The following DCAF1 variants were observed in gnomAD, a reference collection of about 807,000 sequenced individuals.
The protein encoded by DCAF1 is DDB1 and CUL4 associated factor 1, also known as DDB1- and CUL4-associated factor 1.
A neutral mutation model predicts 128.0 loss-of-function variants in DCAF1; 15 were observed. The observed-to-expected ratio is 0.12, with a 90% CI of 0.08 to 0.18. The LOEUF (loss-of-function observed/expected upper bound fraction) is 0.18, where lower values mean the gene tolerates loss of function less well. Ranked by LOEUF, DCAF1 falls within the 10% of genes least tolerant of loss-of-function variation. The probability of loss-of-function intolerance (pLI) is 1.00; values close to 1 mark genes in which losing one functional copy is unlikely to be tolerated. For synonymous variants in DCAF1, 610 were observed against 603.0 expected (o/e 1.01, Z -0.17); for missense variants, 988 against 1,649.5 (o/e 0.60, Z 6.95).
At chr3:51,493,346 G>A (rs922151484) in intron 2 of DCAF1, among the ~76,000 whole-genome samples, 1 of 152,046 alleles carries the variant, frequency 6.6e-6, no homozygotes, top group Admixed American at 6.6e-5. Flanking sequence ...TGGGGAGGCT[G>A]AGGCAGGAGA....
intron 9 of DCAF1, among the ~76,000 whole-genome samples, chr3:51,435,254 T>G (rs973672270): frequency 6.6e-6 from 1 of 152,188 alleles, no homozygotes; most frequent in South Asian, 2.1e-4. Context: ...CTTCTTCCAC[T>G]GCACCTTGTT....
intron 3 of DCAF1, among the ~76,000 whole-genome samples, chr3:51,475,652 G>A (rs1008907117): frequency 6.6e-6 from 1 of 152,144 alleles, no homozygotes; most frequent in Non-Finnish European, 1.5e-5. Flanking sequence ...ATGAGGTCAG[G>A]AGATCAAGAC....
At chr3:51,502,945 A>T (rs1164477229), upstream of DCAF1, among the ~76,000 whole-genome samples, 4 of 152,232 alleles carry the variant, frequency 2.6e-5, no homozygotes, top group African/African-American at 9.6e-5. Context: ...ATATACAAGC[A>T]TGCACACTGT....
At chr3:51,481,788 C>T (rs943988758) in intron 3 of DCAF1, among the ~76,000 whole-genome samples, 1 of 151,934 alleles carries the variant, frequency 6.6e-6, no homozygotes, top group Non-Finnish European at 1.5e-5. Context: ...GTCAGGAGTT[C>T]GAGAACAGCC....
rs1266044798 is a variant in DCAF1, at chr3:51,418,620, T to TAG, written c.3435+56_3435+57dup. The TAG allele has an allele frequency of 3.9e-6, 6 of 1,553,570 alleles. No individual in the cohort carries two copies. The African/African-American group carries it at 8.2e-5, about 21-fold the overall frequency. On this transcript the variant is annotated intron_variant, in intron 16 of 24. Coordinates refer to ENST00000684031, the MANE Select transcript of DCAF1 (RefSeq NM_001387579.1). ...AATAAAGGGTAAGCCTCCTTTACTC[T>TAG]AGTTCACCAATTCATCTTGGAAGAA...
chr3:51,452,592 T>G (rs1702464754), intron 6 of DCAF1, among the ~76,000 whole-genome samples: 1 of 152,142 alleles, frequency 6.6e-6, no homozygotes, highest in South Asian at 2.1e-4. Context: ...TAATTTCCCT[T>G]AAATAGTGTT....
chr3:51,471,150 C>A (rs990430658), intron 3 of DCAF1, 145 bp from the exon 4 acceptor site: 6 of 464,040 alleles, frequency 1.3e-5, no homozygotes, highest in Admixed American at 3.4e-5. Flanking sequence ...GAAATCTACA[C>A]AATTATCTCA....
chr3:51,504,385 G>T (rs1708892710), upstream of DCAF1, among the ~76,000 whole-genome samples: 1 of 150,948 alleles, frequency 6.6e-6, no homozygotes, highest in Non-Finnish European at 1.5e-5. Flanking sequence ...GCCTCACTCT[G>T]TCCCCAGGCT....
intron 4 of DCAF1, among the ~76,000 whole-genome samples, chr3:51,469,416 G>C (rs565485101): frequency 2.8e-4 from 42 of 151,756 alleles, no homozygotes; most frequent in Non-Finnish European, 5.4e-4. Context: ...ATTTAGTAGA[G>C]ACGGGGTTTT....
chr3:51,403,375 T>C lies in DCAF1; in HGVS notation c.4233A>G (p.Glu1411=). 1 of 1,552,432 alleles carries C rather than the reference T, an allele frequency of 6.4e-7. No homozygotes were observed. The highest frequency in any genetic ancestry group is 8.7e-7 in the Non-Finnish European group (1 of 1,147,254). ...EEDQEEEEQE[E]EDDDEDDDDT... ...CATCATCATCTTCATCATCATCTTC[T>C]TCCTCCTGTTCTTCCTCTTCCTGGT... is the stretch of plus-strand genomic sequence containing the variant. The change falls in exon 24 of 25, where the codon GAA becomes GAG. Residue 1411 remains glutamate (E), a synonymous_variant. Transcript: ENST00000684031.
At chr3:51,434,620 A>G (rs1370249899) in intron 9 of DCAF1, among the ~76,000 whole-genome samples, 1 of 152,234 alleles carries the variant, frequency 6.6e-6, no homozygotes, top group African/African-American at 2.4e-5. Context: ...TGAGTCATCA[A>G]CTAATGAATT....
chr3:51,497,067 G>A (rs1464144882), intron 1 of DCAF1, among the ~76,000 whole-genome samples: 1 of 152,100 alleles, frequency 6.6e-6, no homozygotes, highest in Non-Finnish European at 1.5e-5. Flanking sequence ...GACTGAAGTG[G>A]GTGGATTACT....
At chr3:51,439,809 T>C (rs551134968) in intron 9 of DCAF1, among the ~76,000 whole-genome samples, 4 of 152,024 alleles carry the variant, frequency 2.6e-5, no homozygotes, top group South Asian at 2.1e-4. Flanking sequence ...CTGGCCAACA[T>C]GGTGAAACCC....
upstream of DCAF1, among the ~76,000 whole-genome samples, chr3:51,501,076 C>G (rs922682209): frequency 6.6e-6 from 1 of 152,176 alleles, no homozygotes; most frequent in South Asian, 2.1e-4. Flanking sequence ...CTCGGCCCCC[C>G]GAAGTGTTGG....
chr3:51,413,284 AT>A lies in DCAF1; in HGVS notation c.4033del (p.Ile1345Ter). On this transcript the variant is annotated frameshift_variant, in exon 21 of 25. Transcript: ENST00000684031. LOFTEE classifies it high-confidence loss of function. ...RTFNATDYKP[I>X]ATIDVKRNIF... Reference sequence around the variant, plus strand: ...AATGTCTGTCCCTTTCTGCTTACCTATAGGTTTGTAGTCAGTTGCATTAAAT... The same window carrying A: ...AATGTCTGTCCCTTTCTGCTTACCTAAGGTTTGTAGTCAGTTGCATTAAAT... The A allele has an allele frequency of 6.2e-7, 1 of 1,613,118 alleles. No homozygotes were observed. The highest frequency in any genetic ancestry group is 8.5e-7 in the Non-Finnish European group (1 of 1,179,542).
chr3:51,492,278 A>AT (rs1352640541), intron 2 of DCAF1, among the ~76,000 whole-genome samples: 16 of 152,006 alleles, frequency 1.1e-4, no homozygotes, highest in African/African-American at 3.6e-4. Context: ...TATAATCCCA[A>AT]TACTTTAGGC....
intron 2 of DCAF1, among the ~76,000 whole-genome samples, chr3:51,490,642 A>C (rs1409732996): frequency 6.6e-6 from 1 of 152,076 alleles, no homozygotes; most frequent in Admixed American, 6.6e-5. Context: ...TCCCAATGAC[A>C]AACCAGGCAT....
At position 51,420,532 on chromosome 3, in the gene DCAF1, A is replaced by G; in HGVS notation, c.2438T>C (p.Ile813Thr). The change falls in exon 15 of 25, where the codon ATT (isoleucine) becomes ACT (threonine). Residue 813 changes from isoleucine (I) to threonine (T), a missense_variant. Transcript: ENST00000684031. This position sits in a 1 kb window ranked among gnomAD's most constrained non-coding sequence, Gnocchi z 6.5. ...AAGTGGTTTTCCTGACACCCGTTCA[A>G]TGAGTTCAGCAGCATACTTGCAGAA... is the stretch of plus-strand genomic sequence containing the variant. ...VKFCKYAAEL[I>T]ERVSGKPLLI... The G allele has an allele frequency of 6.2e-7, 1 of 1,613,934 alleles. No individual in the cohort carries two copies. Among genetic ancestry groups the G allele is most frequent in the East Asian group, 2.2e-5 (1 of 44,876 alleles).
At chr3:51,495,248 C>T (rs7623803) in intron 2 of DCAF1, among the ~76,000 whole-genome samples, 114,389 of 151,760 alleles carry the variant, frequency 0.75, 44,084 homozygotes, top group Middle Eastern at 0.85. Context: ...CGCTTGAACC[C>T]GGGAGGCAGA....
Sources: gnomAD v4.1 joint callset for allele counts (sites outside exome capture counted in the v4.1 genomes callset) on GRCh38, gnomAD v4.1.1 for gene constraint, Gnocchi (gnomAD v3.1) non-coding constraint, MANE v1.5 for transcripts, NCBI Gene and HGNC (gene_info 2026-07-23, HGNC 2026-07-21) for gene names.